KIF26A: variants seen among roughly 807,000 people sequenced by gnomAD.
KIF26A encodes kinesin-like protein KIF26A.
In KIF26A, 74 loss-of-function variants were observed where a neutral mutation model predicts 126.0. The observed-to-expected ratio is 0.59, with a 90% confidence interval of 0.49 to 0.71. KIF26A has a LOEUF of 0.71. Among genes scored for constraint, KIF26A ranks in the 30% least tolerant of loss-of-function variants. The probability of loss-of-function intolerance (pLI) is 0.00; values close to 1 mark genes in which losing one functional copy is unlikely to be tolerated. For synonymous variants in KIF26A, 1,445 were observed against 1,232.7 expected, an observed-to-expected ratio of 1.17 and a Z score of -3.61; for missense variants, 2,984 against 2,763.3, an observed-to-expected ratio of 1.08 and a Z score of -1.79.
intron 13 of KIF26A, among the ~76,000 whole-genome samples, chr14:104,178,995 G>A (rs745837936): frequency 6.6e-6 from 1 of 152,166 alleles, no homozygotes; most frequent in Non-Finnish European, 1.5e-5. Context: ...GGGTCCTGAG[G>A]CCACTGCTGC....
At position 104,176,924 on chromosome 14, in the gene KIF26A, C is replaced by T. The variant is rs781045758; in HGVS notation, c.4136C>T (p.Ser1379Leu). Residue 1379 changes from serine (S) to leucine (L), a missense_variant, in exon 12 of 15, where the codon TCG becomes TTG. Physicochemically the swap from Ser to Leu is moderately radical, Grantham distance 145 (BLOSUM62 -2). Coordinates refer to ENST00000423312, the MANE Select transcript of KIF26A (RefSeq NM_015656.2). ...SSLEQRSSPA[S>L]APPHAVNPAR... Reference sequence around the variant, plus strand: ...CTGGAGCAGAGGAGCAGCCCGGCCTCGGCCCCTCCGCATGCTGTGAACCCG... The same window carrying T: ...CTGGAGCAGAGGAGCAGCCCGGCCTTGGCCCCTCCGCATGCTGTGAACCCG... The T allele has an allele frequency of 7.6e-5, 117 of 1,536,850 alleles. No homozygotes were observed. The highest frequency in any genetic ancestry group is 7.6e-5 in the Non-Finnish European group (87 of 1,145,932).
rs752878198 is a variant in KIF26A, at chr14:104,179,798, C to G, written c.*8C>G. 1.4e-5 allele frequency: 21 copies of G among 1,517,200 alleles called. No individual in the cohort carries two copies. Among genetic ancestry groups the G allele is most frequent in the Non-Finnish European group, 1.8e-5 (20 of 1,132,422 alleles). The allele number at this position is 1,517,200 out of a possible 1,614,324, so 94.0% of individuals were successfully genotyped here. On this transcript the variant is annotated 3_prime_UTR_variant, in exon 15 of 15. Coordinates refer to ENST00000423312, the MANE Select transcript of KIF26A (RefSeq NM_015656.2). ...CAGGAGGTGGACGTCTGAGGCTGGG[C>G]GCCGGACAAGAGGAGGGGGCGTGCA...
At chr14:104,150,869 G>C (rs2037723013) in intron 2 of KIF26A, among the ~76,000 whole-genome samples, 1 of 152,208 alleles carries the variant, frequency 6.6e-6, no homozygotes, top group African/African-American at 2.4e-5. Flanking sequence ...AGCCACAGCA[G>C]CGCTGGGCTG....
intron 4 of KIF26A, among the ~76,000 whole-genome samples, chr14:104,162,120 T>TG (rs2141104134): frequency 6.6e-6 from 1 of 152,346 alleles, no homozygotes; most frequent in Non-Finnish European, 1.5e-5. Context: ...GTGCTCGTTC[T>TG]GGGGCCTCGT....
At chr14:104,178,087 C>T (rs994015563) in intron 12 of KIF26A, among the ~76,000 whole-genome samples, 189 bp downstream of exon 12, 15 of 152,350 alleles carry the variant, frequency 9.8e-5, no homozygotes, top group African/African-American at 3.4e-4. Context: ...GGTGCACGGC[C>T]CTCTGCAGTT....
chr14:104,155,150 C>A (rs374771163), intron 3 of KIF26A, among the ~76,000 whole-genome samples: 2 of 152,306 alleles, frequency 1.3e-5, no homozygotes, highest in South Asian at 2.1e-4. Flanking sequence ...CCTCCCTGGC[C>A]GCTCCTCAGC....
Position 104,152,086 on chromosome 14 carries a change from G to A in KIF26A, c.360G>A (p.Glu120=). The A allele has an allele frequency of 6.2e-7, 1 of 1,612,610 alleles. No homozygotes were observed. Among genetic ancestry groups the A allele is most frequent in the Non-Finnish European group, 8.5e-7 (1 of 1,179,782 alleles). The change falls in exon 3 of 15, where the codon GAG becomes GAA. Residue 120 remains glutamate (E), a synonymous_variant. Transcript: ENST00000423312. This position sits in a 1 kb window ranked among gnomAD's most constrained non-coding sequence, Gnocchi z 5.9. ...APGALPACRP[E]AERRCDVCAT... ...GGGCCCTGCCAGCCTGTCGCCCAGA[G>A]GCCGAGCGCCGCTGTGACGTCTGCG...
At chr14:104,149,344 G>A (rs1316087321) in intron 2 of KIF26A, among the ~76,000 whole-genome samples, 10 of 152,160 alleles carry the variant, frequency 6.6e-5, no homozygotes, top group African/African-American at 1.9e-4. Context: ...GTGGGCTTTC[G>A]CTGTGGGGCC....
chr14:104,139,596 G>A (rs1045264269), intron 2 of KIF26A, among the ~76,000 whole-genome samples: 5 of 152,168 alleles, frequency 3.3e-5, no homozygotes, highest in African/African-American at 9.6e-5. Context: ...GGGAGAGAGC[G>A]GATGGCAGGG....
chr14:104,166,914 C>T lies in KIF26A; in HGVS notation c.979C>T (p.Pro327Ser), dbSNP rs1248085616. The T allele has an allele frequency of 6.3e-7, 1 of 1,593,658 alleles. No homozygotes were observed. The change falls in exon 5 of 15, where the codon CCT becomes TCT. Residue 327 changes from proline (P) to serine (S), a missense_variant. Physicochemically the swap from Pro to Ser is moderately conservative, Grantham distance 74. Transcript: ENST00000423312. ...GAGGAAGAAGCCCCACCCGCCACCG[C>T]CTCCAGCCACCCGCGGCACCTCCAC... ...SKRKKPHPPP[P>S]PATRGTSTYP... is the part of the protein sequence containing the mutation.
At chr14:104,146,938 G>A (rs1596132731) in intron 2 of KIF26A, among the ~76,000 whole-genome samples, 1 of 152,118 alleles carries the variant, frequency 6.6e-6, no homozygotes, top group East Asian at 1.9e-4. Context: ...CTCGTAGGAG[G>A]GGCTGGTGGT....
chr14:104,177,778 C>A lies in KIF26A; in HGVS notation c.4990C>A (p.Arg1664=). Residue 1664 remains arginine (R), a synonymous_variant, in exon 12 of 15, where the codon CGG becomes AGG. Transcript: ENST00000423312. ...SGGSSGYESL[R]RDSEATGSAS... is the part of the protein sequence containing the mutation. ...TGGCAGCAGTGGCTATGAGAGCCTGCGGCGCGACAGCGAGGCCACCGGCAG... is the reference window on the plus strand; with the variant it reads ...TGGCAGCAGTGGCTATGAGAGCCTGAGGCGCGACAGCGAGGCCACCGGCAG... 6.5e-7 allele frequency: 1 copy of A among 1,549,444 alleles called. No individual in the cohort carries two copies. The highest frequency in any genetic ancestry group is 8.7e-7 in the Non-Finnish European group (1 of 1,154,998).
chr14:104,173,536 C>G, intron 9 of KIF26A, 23 bp downstream of exon 9: 3 of 1,529,126 alleles, frequency 2.0e-6, no homozygotes, highest in Non-Finnish European at 2.6e-6. Flanking sequence ...CCCGCACTCC[C>G]GGGCCCCTGT....
intron 2 of KIF26A, among the ~76,000 whole-genome samples, chr14:104,143,035 G>A (rs1389453759): frequency 1.3e-5 from 2 of 152,216 alleles, no homozygotes; most frequent in African/African-American, 4.8e-5. Flanking sequence ...TGACAGACAC[G>A]TCATGTGAGG....
rs1227480818 is a variant in KIF26A, at chr14:104,180,636, C to A, written c.*846C>A. 1 of 153,862 alleles carries A rather than the reference C, an allele frequency of 6.5e-6. No homozygotes were observed. Among genetic ancestry groups the A allele is most frequent in the African/African-American group, 2.4e-5 (1 of 41,426 alleles). 9.5% of individuals were successfully genotyped at this position (153,862 alleles called of 1,614,324 possible). On this transcript the variant is annotated 3_prime_UTR_variant, in exon 15 of 15. Transcript: ENST00000423312. The stretch of plus-strand genomic sequence containing the variant: ...TTTATGGTTTTCTAGGGAAGGTGTT[C>A]TGGGGGCCGGGCTCTCTCCAGCTGT...
chr14:104,166,238 A>C (rs1200240127), intron 4 of KIF26A, among the ~76,000 whole-genome samples: 1 of 152,062 alleles, frequency 6.6e-6, no homozygotes, highest in Non-Finnish European at 1.5e-5. Context: ...GTGATCGGCA[A>C]GGGGCAAGGC....
chr14:104,160,561 A>C (rs1160263796), intron 4 of KIF26A, among the ~76,000 whole-genome samples: 3 of 152,056 alleles, frequency 2.0e-5, no homozygotes, highest in African/African-American at 7.2e-5. Context: ...GCTGTGACAG[A>C]GCTTGGCATG....
chr14:104,179,397 C>A lies in KIF26A; in HGVS notation c.5467+11C>A. On this transcript the variant is annotated intron_variant, in intron 14 of 14. Coordinates refer to ENST00000423312, the MANE Select transcript of KIF26A (RefSeq NM_015656.2). ...GCTGGCTGGAGCAGTGTGAGTCCCGCCCGCCCACGGACCCAGCCCGGCCCA... is the reference window on the plus strand; with the variant it reads ...GCTGGCTGGAGCAGTGTGAGTCCCGACCGCCCACGGACCCAGCCCGGCCCA... 6.7e-7 allele frequency: 1 copy of A among 1,495,220 alleles called. No homozygotes were observed. The highest frequency in any genetic ancestry group is 8.9e-7 in the Non-Finnish European group (1 of 1,126,862). 92.6% of individuals were successfully genotyped at this position (1,495,220 alleles called of 1,614,324 possible). A position where few individuals can be genotyped will look rare whatever the true frequency, so the allele number is the denominator to read the frequency against.
chr14:104,149,835 G>A (rs2037710349), intron 2 of KIF26A, among the ~76,000 whole-genome samples: 1 of 152,210 alleles, frequency 6.6e-6, no homozygotes, highest in Admixed American at 6.5e-5. Flanking sequence ...TGGCCTGTCT[G>A]GAGGCTCCAG....
Sources: allele counts gnomAD v4.1 joint callset (sites outside exome capture counted in the v4.1 genomes callset), GRCh38; gene constraint gnomAD v4.1.1; non-coding constraint Gnocchi (gnomAD v3.1); transcripts MANE v1.5; gene names NCBI Gene and HGNC (gene_info 2026-07-23, HGNC 2026-07-21).